Variants in SERGEF observed in about 807,000 individuals in gnomAD.
SERGEF encodes the protein secretion regulating guanine nucleotide exchange factor.
A neutral mutation model predicts 50.0 loss-of-function variants in SERGEF; 51 were observed. That is an observed-to-expected ratio of 1.02 (90% confidence interval 0.81 to 1.29). The LOEUF is 1.29. SERGEF is among the 50% of genes most tolerant of loss of function. The pLI is 0.00. For synonymous variants in SERGEF, 205 were observed against 212.4 expected, an observed-to-expected ratio of 0.97 and a Z score of 0.30; for missense variants, 521 against 557.0, an observed-to-expected ratio of 0.94 and a Z score of 0.65.
At chr11:18,011,568 T>A (rs376959804) in intron 1 of SERGEF, among the ~76,000 whole-genome samples, 1 of 152,214 alleles carries the variant, frequency 6.6e-6, no homozygotes, top group Non-Finnish European at 1.5e-5. Flanking sequence ...TATTTTGTTA[T>A]GGTAGCCCTA....
intron 8 of SERGEF, among the ~76,000 whole-genome samples, chr11:17,972,392 C>A (rs1853266375): frequency 6.6e-6 from 1 of 152,174 alleles, no homozygotes; most frequent in African/African-American, 2.4e-5. Context: ...GCAACCACAT[C>A]CCTGATCAGT....
intron 10 of SERGEF, among the ~76,000 whole-genome samples, chr11:17,872,125 G>T (rs1297567439): frequency 6.6e-6 from 1 of 152,178 alleles, no homozygotes; most frequent in Admixed American, 6.5e-5. Context: ...GACACAATGT[G>T]TTGAACAAAA....
chr11:17,898,600 G>A (rs192893641), intron 9 of SERGEF, among the ~76,000 whole-genome samples: 1 of 152,292 alleles, frequency 6.6e-6, no homozygotes, highest in East Asian at 1.9e-4. Context: ...AGAAACAAAA[G>A]GGGAAGTGTG....
At chr11:17,949,855 AC>A (rs1234221433) in intron 9 of SERGEF, among the ~76,000 whole-genome samples, 2 of 152,330 alleles carry the variant, frequency 1.3e-5, no homozygotes, top group Admixed American at 6.5e-5. Context: ...TGTTTGTAAG[AC>A]TAGGTGGCAG....
rs543306737 is a variant in SERGEF, at chr11:17,981,698, C to A, written c.844+6899G>T. ...TCCCAGAATGGCCTCCTGACCCTCG[C>A]TTCTCAGGAACCATTTCCCAGTTTC... On this transcript the variant is annotated intron_variant, in intron 8 of 10. Coordinates refer to ENST00000265965, the MANE Select transcript of SERGEF (RefSeq NM_012139.4). Among the ~76,000 whole-genome samples, 5 of 152,322 alleles carry A rather than the reference C, an allele frequency of 3.3e-5. No homozygotes were observed. In the South Asian group the frequency reaches 8.3e-4, roughly 25 times the overall value.
At chr11:18,008,475 C>T (rs1854128778) in intron 1 of SERGEF, among the ~76,000 whole-genome samples, 1 of 151,966 alleles carries the variant, frequency 6.6e-6, no homozygotes, top group Non-Finnish European at 1.5e-5. Flanking sequence ...GAAGAAACCA[C>T]ACTTTTTTCT....
At chr11:17,942,890 T>G (rs1055664075) in intron 9 of SERGEF, among the ~76,000 whole-genome samples, 3 of 152,154 alleles carry the variant, frequency 2.0e-5, no homozygotes, top group African/African-American at 7.2e-5. Context: ...TGTTAATACA[T>G]GATGAATTAA....
At chr11:18,003,634 C>T (rs1433628819) in intron 4 of SERGEF, among the ~76,000 whole-genome samples, 1 of 152,136 alleles carries the variant, frequency 6.6e-6, no homozygotes, top group Non-Finnish European at 1.5e-5. Flanking sequence ...ACCTGGGAGG[C>T]GGAGGTTGCA....
At chr11:17,885,608 C>T (rs1408633962) in intron 9 of SERGEF, among the ~76,000 whole-genome samples, 2 of 151,922 alleles carry the variant, frequency 1.3e-5, no homozygotes, top group Non-Finnish European at 2.9e-5. Context: ...ACAGGCATGA[C>T]CCACCGTACA....
intron 10 of SERGEF, among the ~76,000 whole-genome samples, chr11:17,834,388 G>A (rs1343032085): frequency 6.6e-6 from 1 of 152,116 alleles, no homozygotes; most frequent in Admixed American, 6.5e-5. Flanking sequence ...TCAGTCTCGG[G>A]TATATCTTTA....
intron 9 of SERGEF, among the ~76,000 whole-genome samples, chr11:17,940,987 C>T (rs949765556): frequency 6.6e-6 from 1 of 152,040 alleles, no homozygotes; most frequent in African/African-American, 2.4e-5. Flanking sequence ...AAAGCTTAAA[C>T]ATACAGAAAA....
intron 9 of SERGEF, among the ~76,000 whole-genome samples, chr11:17,948,319 A>C (rs1852709293): frequency 1.3e-5 from 2 of 152,236 alleles, no homozygotes; most frequent in African/African-American, 4.8e-5. Context: ...AAATCCAATA[A>C]GAATTATTAT....
intron 10 of SERGEF, among the ~76,000 whole-genome samples, chr11:17,841,211 C>G (rs1850496790): frequency 6.6e-6 from 1 of 152,202 alleles, no homozygotes; most frequent in Non-Finnish European, 1.5e-5. Flanking sequence ...GTGGCCTACC[C>G]TTGGTGGCCA....
intron 9 of SERGEF, among the ~76,000 whole-genome samples, chr11:17,932,183 G>A (rs1215667118): frequency 1.3e-5 from 2 of 152,092 alleles, no homozygotes; most frequent in Non-Finnish European, 2.9e-5. Flanking sequence ...AAGAAAGAAA[G>A]AAAGAAATGC....
chr11:17,902,129 A>G (rs550460), intron 9 of SERGEF, among the ~76,000 whole-genome samples: 81,229 of 152,006 alleles, frequency 0.53, 22,316 homozygotes, highest in South Asian at 0.61. Flanking sequence ...GTATTTTTTC[A>G]CTGAAGAAGG....
intron 9 of SERGEF, among the ~76,000 whole-genome samples, chr11:17,932,971 C>T (rs1852383489): frequency 6.6e-6 from 1 of 152,082 alleles, no homozygotes; most frequent in Non-Finnish European, 1.5e-5. Flanking sequence ...TGTTTAACTC[C>T]AACTAAGTTT....
intron 10 of SERGEF, among the ~76,000 whole-genome samples, chr11:17,808,887 C>T (rs1036772924): frequency 2.0e-5 from 3 of 152,178 alleles, no homozygotes; most frequent in Non-Finnish European, 2.9e-5. Flanking sequence ...AATACTTGTC[C>T]ATTAGAGAAC....
At chr11:18,002,197 A>G in intron 4 of SERGEF, 1 of 353,226 alleles carries the variant, frequency 2.8e-6, no homozygotes, top group Non-Finnish European at 5.5e-6. Flanking sequence ...ATGTGACTTC[A>G]GTCTCTTTAA....
chr11:17,825,281 A>G (rs529636192), intron 10 of SERGEF, among the ~76,000 whole-genome samples: 1 of 152,272 alleles, frequency 6.6e-6, no homozygotes, highest in South Asian at 2.1e-4. Flanking sequence ...TTCCTATAAT[A>G]CAGTAAATAA....
Sources: gnomAD v4.1 joint callset for allele counts (sites outside exome capture counted in the v4.1 genomes callset) on GRCh38, gnomAD v4.1.1 for gene constraint, MANE v1.5 for transcripts, NCBI Gene and HGNC (gene_info 2026-07-23, HGNC 2026-07-21) for gene names.